Variants in CSMD3 observed in about 807,000 individuals in gnomAD.
The protein encoded by CSMD3 is CUB and Sushi multiple domains 3.
CSMD3 carries 177 observed loss-of-function variants against 435.2 expected under a neutral mutation model. The observed-to-expected ratio is 0.41, with a 90% CI of 0.36 to 0.46. The LOEUF (loss-of-function observed/expected upper bound fraction) is 0.46, where lower values mean the gene tolerates loss of function less well. Among genes scored for constraint, CSMD3 ranks in the 20% least tolerant of loss-of-function variants. The pLI is 0.34. For missense variants in CSMD3, 4,265 were observed against 4,504.6 expected (o/e 0.95, Z 1.52); for synonymous variants, 1,656 against 1,520.5 (o/e 1.09, Z -2.07).
chr8:113,361,379 T>C (rs2094275010), intron 1 of CSMD3, among the ~76,000 whole-genome samples: 1 of 152,162 alleles, frequency 6.6e-6, no homozygotes, highest in Admixed American at 6.5e-5. Flanking sequence ...GTAAAATTAT[T>C]TATGTCGATG....
At chr8:112,565,780 G>A (rs923881466) in intron 24 of CSMD3, among the ~76,000 whole-genome samples, 6 of 151,970 alleles carry the variant, frequency 3.9e-5, no homozygotes, top group African/African-American at 1.4e-4. Flanking sequence ...CTCTGTAATA[G>A]ATGGCTGTTA....
rs113514823 is a variant in CSMD3, at chr8:113,370,412, G to GTT, written c.179-55621_179-55620dup. Among the ~76,000 whole-genome samples the GTT allele has an allele frequency of 6.8e-3, 979 of 144,644 alleles. 8 individuals are homozygous for GTT. The highest frequency in any genetic ancestry group is 0.023 in the African/African-American group (917 of 39,850). The allele number at this position is 144,644 out of a possible 152,430, so 94.9% of individuals were successfully genotyped here. ...AATGACCTTGTCAAATTGTGATTAG[G>GTT]TTTTTTTTTTTTATCTTGTAGACAA... is the stretch of plus-strand genomic sequence containing the variant. On this transcript the variant is annotated intron_variant, in intron 1 of 70. Coordinates refer to ENST00000297405, the MANE Select transcript of CSMD3 (RefSeq NM_198123.2).
Position 112,552,688 on chromosome 8 carries a change from A to T in CSMD3, c.4267T>A (p.Ser1423Thr), listed in dbSNP as rs2131202278. ...ECGGRFKGES[S>T]GRILSPGYPF... Reference sequence around the variant, plus strand: ...TAGCCAGGAGATAAGATTCTTCCTGATGATTCTCCTTTAAAACGACCTCCA... The same window carrying T: ...TAGCCAGGAGATAAGATTCTTCCTGTTGATTCTCCTTTAAAACGACCTCCA... The change falls in exon 26 of 71, where the codon TCA (serine) becomes ACA (threonine). Residue 1423 changes from serine (S) to threonine (T), a missense_variant. Physicochemically the swap from Ser to Thr is moderately conservative, Grantham distance 58. This residue lies in a region of CSMD3 where 3,255 missense variants were observed against 3,380.2 expected (regional missense o/e 0.96). Coordinates refer to ENST00000297405, the MANE Select transcript of CSMD3 (RefSeq NM_198123.2). 1.2e-6 allele frequency: 2 copies of T among 1,612,064 alleles called. No homozygotes were observed. The highest frequency in any genetic ancestry group is 1.7e-6 in the Non-Finnish European group (2 of 1,178,752).
rs1588562743 is a variant in CSMD3 at position 113,345,240 on chromosome 8, A to G, written c.179-30447T>C. On this transcript the variant is annotated intron_variant, in intron 1 of 70. Coordinates refer to ENST00000297405, the MANE Select transcript of CSMD3 (RefSeq NM_198123.2). The stretch of plus-strand genomic sequence containing the variant: ...TTAATATTACATTCAAGAGATAAGT[A>G]CTGTGAAAGGTTAATTGATACTACT... Among the ~76,000 whole-genome samples the G allele has an allele frequency of 3.9e-5, 6 of 152,288 alleles. 1 individual carries two copies. The highest frequency in any genetic ancestry group is 3.9e-4 in the Admixed American group (6 of 15,280).
chr8:112,229,407 CT>C (rs77755893), intron 69 of CSMD3, among the ~76,000 whole-genome samples: 34,131 of 150,274 alleles, frequency 0.23, 4,123 homozygotes, highest in East Asian at 0.36. Context: ...CGAACTCAAA[CT>C]TTTTTTTTTC....
chr8:113,074,035 T>C (rs1047240817), intron 5 of CSMD3, among the ~76,000 whole-genome samples: 3 of 151,852 alleles, frequency 2.0e-5, no homozygotes, highest in Admixed American at 6.6e-5. Flanking sequence ...TGTGACTTTA[T>C]TGCTAAATAT....
At chr8:113,210,564 C>G (rs1054962004) in intron 3 of CSMD3, among the ~76,000 whole-genome samples, 2 of 151,736 alleles carry the variant, frequency 1.3e-5, no homozygotes, top group African/African-American at 4.9e-5. Context: ...TACTTTTACT[C>G]TATATAGGAG....
At chr8:113,209,426 A>G (rs2092806800) in intron 3 of CSMD3, among the ~76,000 whole-genome samples, 1 of 152,156 alleles carries the variant, frequency 6.6e-6, no homozygotes, top group African/African-American at 2.4e-5. Flanking sequence ...TAAGTTCCAT[A>G]AGAGTGTAAC....
intron 22 of CSMD3, among the ~76,000 whole-genome samples, chr8:112,629,499 A>C (rs554214575): frequency 7.2e-5 from 11 of 152,210 alleles, no homozygotes; most frequent in Admixed American, 2.6e-4. Flanking sequence ...GGTCATTTGC[A>C]TGCACTAGAC....
chr8:113,287,380 G>C (rs373351008), intron 2 of CSMD3, among the ~76,000 whole-genome samples: 61 of 152,004 alleles, frequency 4.0e-4, no homozygotes, highest in African/African-American at 1.4e-3. Context: ...GATATTTAAA[G>C]TAATGGCTGT....
rs1050438958 is a variant in CSMD3, at chr8:113,229,753, T to C, written c.514+48839A>G. ...ATTACCTATGCCAACAGCCCAATTG[T>C]TCTGAAATGACACCACCCATGTTTT... On this transcript the variant is annotated intron_variant, in intron 3 of 70. Coordinates refer to ENST00000297405, the MANE Select transcript of CSMD3 (RefSeq NM_198123.2). Among the ~76,000 whole-genome samples the C allele has an allele frequency of 3.3e-5, 5 of 151,678 alleles. No individual in the cohort carries two copies. In the Admixed American group the frequency reaches 3.3e-4, roughly 10 times the overall value.
intron 4 of CSMD3, among the ~76,000 whole-genome samples, chr8:113,107,031 A>G (rs1293652922): frequency 6.6e-6 from 1 of 151,974 alleles, no homozygotes; most frequent in Non-Finnish European, 1.5e-5. Flanking sequence ...CCTCCAATTC[A>G]CCTATGCTCC....
intron 6 of CSMD3, among the ~76,000 whole-genome samples, chr8:113,002,680 A>G (rs537083521): frequency 6.6e-6 from 1 of 152,230 alleles, no homozygotes; most frequent in Admixed American, 6.6e-5. Flanking sequence ...AGTAAGACTT[A>G]ATGTGACTAG....
chr8:113,063,159 T>A, intron 5 of CSMD3, among the ~76,000 whole-genome samples: 1 of 150,950 alleles, frequency 6.6e-6, no homozygotes, highest in Non-Finnish European at 1.5e-5. Flanking sequence ...AGCATCCAGC[T>A]AGAAAAATAA....
At chr8:113,300,118 C>A (rs370544501) in intron 2 of CSMD3, among the ~76,000 whole-genome samples, 1 of 147,352 alleles carries the variant, frequency 6.8e-6, no homozygotes, top group Non-Finnish European at 1.5e-5. Context: ...GGCACCACTG[C>A]ACTCCAGCCT....
At chr8:112,354,050 A>G (rs1826372308) in intron 38 of CSMD3, among the ~76,000 whole-genome samples, 1 of 152,210 alleles carries the variant, frequency 6.6e-6, no homozygotes, top group South Asian at 2.1e-4. Context: ...ACATATGCAA[A>G]TTAATACATG....
intron 16 of CSMD3, among the ~76,000 whole-genome samples, chr8:112,678,393 G>T (rs568916905): frequency 3.9e-5 from 6 of 152,176 alleles, no homozygotes; most frequent in East Asian, 3.9e-4. Context: ...TAAAAGATTG[G>T]ATAATCAAAA....
intron 1 of CSMD3, among the ~76,000 whole-genome samples, chr8:113,325,596 AC>A (rs2093978616): frequency 1.3e-5 from 2 of 152,284 alleles, no homozygotes; most frequent in South Asian, 4.1e-4. Context: ...ACAGACTAAT[AC>A]AGCCTTACAC....
At chr8:113,035,857 T>C (rs889075005) in intron 5 of CSMD3, among the ~76,000 whole-genome samples, 3 of 152,114 alleles carry the variant, frequency 2.0e-5, no homozygotes, top group Non-Finnish European at 4.4e-5. Context: ...TTAGTACATA[T>C]AGAAATGTAC....
Sources: gnomAD v4.1 joint callset for allele counts (sites outside exome capture counted in the v4.1 genomes callset) on GRCh38, gnomAD v4.1.1 for gene constraint, gnomAD v4.1.1 regional missense constraint, MANE v1.5 for transcripts, NCBI Gene and HGNC (gene_info 2026-07-23, HGNC 2026-07-21) for gene names.